The following STIM2 variants were observed in gnomAD, a reference collection of about 807,000 sequenced individuals.
STIM2 encodes stromal interaction molecule 2.
A neutral mutation model predicts 85.8 loss-of-function variants in STIM2; 31 were observed. That is an observed-to-expected ratio of 0.36 (90% confidence interval 0.27 to 0.49). STIM2 has a LOEUF of 0.49. Ranked by LOEUF, STIM2 falls within the 20% of genes least tolerant of loss-of-function variation. The pLI is 0.98. For synonymous variants in STIM2, 356 were observed against 331.1 expected (o/e 1.08, Z -0.82); for missense variants, 841 against 927.6 (o/e 0.91, Z 1.21).
chr4:27,021,935 T>C (rs1728929179), intron 11 of STIM2, among the ~76,000 whole-genome samples: 1 of 152,140 alleles, frequency 6.6e-6, no homozygotes, highest in Non-Finnish European at 1.5e-5. Flanking sequence ...ATTTACTGAA[T>C]GTCTGTTTTT....
At chr4:26,885,056 G>T (rs188477878) in intron 1 of STIM2, among the ~76,000 whole-genome samples, 1 of 152,174 alleles carries the variant, frequency 6.6e-6, no homozygotes. Context: ...TAATCAGAAT[G>T]TATTGGGTAC....
At chr4:26,998,860 C>T (rs1249651450) in intron 4 of STIM2, among the ~76,000 whole-genome samples, 1 of 150,510 alleles carries the variant, frequency 6.6e-6, no homozygotes, top group Admixed American at 6.6e-5. Flanking sequence ...TGCAGAGAGC[C>T]GAGATCGAAC....
In STIM2 at chr4:26,995,443, T is replaced by C. The variant is rs753127510; in HGVS notation, c.462T>C (p.Tyr154=). The change falls in exon 4 of 12, where the codon TAT becomes TAC. Residue 154 remains tyrosine (Y), a synonymous_variant. Transcript: ENST00000467087. ...TAGAGTTTGTTGAACTACCCCAATA[T>C]GAGAAGAATTTTAGAGACAACAATG... 29 of 1,603,072 alleles carry C rather than the reference T, an allele frequency of 1.8e-5. No individual in the cohort carries two copies. Among genetic ancestry groups the C allele is most frequent in the Non-Finnish European group, 2.2e-5 (26 of 1,175,082 alleles).
chr4:27,014,135 T>G (rs983736019), intron 10 of STIM2, among the ~76,000 whole-genome samples: 4 of 151,980 alleles, frequency 2.6e-5, no homozygotes, highest in Non-Finnish European at 4.4e-5. Flanking sequence ...GCTGACAGTT[T>G]GTCTATTTTA....
At chr4:26,970,932 G>A (rs2110223) in intron 3 of STIM2, among the ~76,000 whole-genome samples, 141,253 of 152,204 alleles carry the variant, frequency 0.93, 65,580 homozygotes, top group East Asian at 1. Context: ...AATGATTGCC[G>A]TTCTGATTGG....
At chr4:26,933,238 T>G (rs1200039803) in intron 2 of STIM2, among the ~76,000 whole-genome samples, 1 of 152,098 alleles carries the variant, frequency 6.6e-6, no homozygotes, top group East Asian at 1.9e-4. Flanking sequence ...TTTTTTCATA[T>G]CTGTTCTTAT....
chr4:26,901,247 T>G (rs1243144630), intron 1 of STIM2, among the ~76,000 whole-genome samples: 1 of 152,206 alleles, frequency 6.6e-6, no homozygotes, highest in Non-Finnish European at 1.5e-5. Flanking sequence ...TCAACACACT[T>G]GTAGTTTTTT....
At chr4:26,915,590 C>T (rs950277503) in intron 1 of STIM2, among the ~76,000 whole-genome samples, 1 of 152,130 alleles carries the variant, frequency 6.6e-6, no homozygotes, top group Non-Finnish European at 1.5e-5. Flanking sequence ...TACTTTATTT[C>T]TGTAGAACCA....
chr4:27,021,634 C>T (rs1728915454), intron 11 of STIM2: 1 of 456,524 alleles, frequency 2.2e-6, no homozygotes, highest in South Asian at 1.5e-5. Context: ...ATATGTTTTG[C>T]TTGAGTTTTT....
intron 3 of STIM2, among the ~76,000 whole-genome samples, chr4:26,961,199 T>G (rs1383613520): frequency 6.6e-6 from 1 of 152,142 alleles, no homozygotes; most frequent in Non-Finnish European, 1.5e-5. Context: ...TGCATGAAGA[T>G]GAGAACCGAG....
intron 1 of STIM2, among the ~76,000 whole-genome samples, chr4:26,872,948 G>T (rs1722679467): frequency 1.3e-5 from 2 of 152,196 alleles, no homozygotes; most frequent in South Asian, 2.1e-4. Context: ...AGACTGTGAG[G>T]CAAGAAAGAA....
intron 3 of STIM2, among the ~76,000 whole-genome samples, chr4:26,969,920 G>A (rs1726867711): frequency 1.3e-5 from 2 of 152,030 alleles, no homozygotes; most frequent in Admixed American, 1.3e-4. Context: ...AACATGCTTT[G>A]TTGAGTGGCT....
At chr4:26,929,514 A>G (rs1390772944) in intron 2 of STIM2, among the ~76,000 whole-genome samples, 1 of 152,156 alleles carries the variant, frequency 6.6e-6, no homozygotes, top group African/African-American at 2.4e-5. Context: ...TTGTGATTTT[A>G]GCCCAAATTT....
At chr4:26,995,591 GC>G (rs1275390231) in intron 4 of STIM2, 101 bp downstream of exon 4, 1 of 539,232 alleles carries the variant, frequency 1.9e-6, no homozygotes, top group African/African-American at 2.0e-5. Flanking sequence ...GTGGCTGAGG[GC>G]ACAAAGGAAA....
At chr4:26,982,690 G>A (rs986496913) in intron 3 of STIM2, among the ~76,000 whole-genome samples, 2 of 152,126 alleles carry the variant, frequency 1.3e-5, no homozygotes, top group African/African-American at 4.8e-5. Flanking sequence ...CAAGATTTGG[G>A]CACTAGGTAT....
chr4:27,017,741 C>A lies in STIM2; in HGVS notation c.1520C>A (p.Ala507Asp), dbSNP rs774818363. ...ATGGCTAAACCTCCTGGATCATTAG[C>A]CAGAAGCAGCAGCCTGTGCCGTTCA... The change falls in exon 11 of 12, where the codon GCC becomes GAC. Residue 507 changes from alanine (A) to aspartate (D), a missense_variant. Ala to Asp is a moderately radical substitution (Grantham distance 126). Transcript: ENST00000467087. 6.2e-7 allele frequency: 1 copy of A among 1,614,056 alleles called. No individual in the cohort carries two copies. Among genetic ancestry groups the A allele is most frequent in the South Asian group, 1.1e-5 (1 of 91,064 alleles).
At chr4:26,928,142 C>T (rs914466505) in intron 2 of STIM2, among the ~76,000 whole-genome samples, 1 of 151,846 alleles carries the variant, frequency 6.6e-6, no homozygotes, top group East Asian at 1.9e-4. Context: ...GTGTAACTTG[C>T]CCTTTTATAA....
At chr4:26,883,711 A>G (rs1318672688) in intron 1 of STIM2, among the ~76,000 whole-genome samples, 1 of 152,234 alleles carries the variant, frequency 6.6e-6, no homozygotes, top group Non-Finnish European at 1.5e-5. Context: ...TAAAAATGAA[A>G]ATTTACTGCT....
At chr4:27,011,500 A>C (rs1237790655) in intron 10 of STIM2, among the ~76,000 whole-genome samples, 1 of 152,164 alleles carries the variant, frequency 6.6e-6, no homozygotes, top group African/African-American at 2.4e-5. Flanking sequence ...CTAGAAACGG[A>C]CTGCTGGGTC....
Sources: gnomAD v4.1 joint callset for allele counts (sites outside exome capture counted in the v4.1 genomes callset) on GRCh38, gnomAD v4.1.1 for gene constraint, MANE v1.5 for transcripts, NCBI Gene and HGNC (gene_info 2026-07-23, HGNC 2026-07-21) for gene names.